CIRSR: variants seen among roughly 807,000 people sequenced by gnomAD.
The protein encoded by CIRSR is CBF1 (RBPJ) interacting corepressor 1.
chr2:174,380,309 G>T, the CIRSR span: 2 of 1,229,392 alleles, frequency 1.6e-6, no homozygotes, highest in Non-Finnish European at 2.3e-6. Flanking sequence ...AAATTAAACA[G>T]CAGTTAATCA....
chr2:174,379,814 C>T, the CIRSR span, among the ~76,000 whole-genome samples: 1 of 149,108 alleles, frequency 6.7e-6, no homozygotes, highest in African/African-American at 2.5e-5. Context: ...ACCTCCACCT[C>T]CTGGGTTCCA....
the CIRSR span, chr2:174,349,046 A>AGAGGAG: frequency 7.7e-5 from 122 of 1,592,156 alleles, no homozygotes; most frequent in Admixed American, 1.3e-3. Context: ...CAGTAGAGGA[A>AGAGGAG]GAGGAGGAGG....
the CIRSR span, chr2:174,370,124 G>A: frequency 2.4e-6 from 3 of 1,272,732 alleles, no homozygotes; most frequent in African/African-American, 1.5e-5. Context: ...TTCAACGGCG[G>A]GCATAATGGG....
the CIRSR span, among the ~76,000 whole-genome samples, chr2:174,385,867 G>A: frequency 2.0e-5 from 3 of 152,166 alleles, no homozygotes; most frequent in South Asian, 6.2e-4. Context: ...TAGAGGGAAT[G>A]ATAGAAATAG....
chr2:174,387,424 T>C, the CIRSR span: 2 of 306,376 alleles, frequency 6.5e-6, no homozygotes, highest in Non-Finnish European at 6.0e-6. Context: ...ATGATTGTTC[T>C]TCTAAGCTTT....
the CIRSR span, among the ~76,000 whole-genome samples, chr2:174,393,761 G>C: frequency 6.6e-6 from 1 of 151,482 alleles, no homozygotes; most frequent in Non-Finnish European, 1.5e-5. Context: ...TACAACCTGA[G>C]TTTGGTGACA....
chr2:174,371,397 G>A, the CIRSR span, among the ~76,000 whole-genome samples: 1 of 152,208 alleles, frequency 6.6e-6, no homozygotes, highest in Non-Finnish European at 1.5e-5. Flanking sequence ...GATGTTAAGA[G>A]TCAATGATAA....
the CIRSR span, among the ~76,000 whole-genome samples, chr2:174,354,589 ATC>A: frequency 6.2e-5 from 1 of 16,060 alleles, no homozygotes; most frequent in African/African-American, 1.1e-4. Flanking sequence ...TATTATATAT[ATC>A]ATATAATATA....
At chr2:174,369,491 C>T in the CIRSR span, among the ~76,000 whole-genome samples, 1 of 152,190 alleles carries the variant, frequency 6.6e-6, no homozygotes, top group Non-Finnish European at 1.5e-5. Flanking sequence ...AAGAACTTTC[C>T]CTTTGCATTC....
At chr2:174,377,938 G>A in the CIRSR span, among the ~76,000 whole-genome samples, 1 of 152,068 alleles carries the variant, frequency 6.6e-6, no homozygotes, top group Admixed American at 6.6e-5. Flanking sequence ...AAAGAAGCAG[G>A]ATCTCTAGCT....
chr2:174,390,731 G>A, the CIRSR span, among the ~76,000 whole-genome samples: 1,667 of 152,214 alleles, frequency 0.011, 35 homozygotes, highest in African/African-American at 0.038. Context: ...TGAATAAAAG[G>A]GGCTGTTACC....
At chr2:174,352,368 A>T in the CIRSR span, among the ~76,000 whole-genome samples, 1 of 152,104 alleles carries the variant, frequency 6.6e-6, no homozygotes, top group Non-Finnish European at 1.5e-5. Flanking sequence ...TATGTTTTAT[A>T]TTTTTTTACA....
the CIRSR span, chr2:174,380,229 G>A: frequency 6.3e-7 from 1 of 1,598,328 alleles, no homozygotes; most frequent in Non-Finnish European, 8.5e-7. Flanking sequence ...GATCTCTGAT[G>A]TTCATGTCAT....
chr2:174,390,659 C>A, the CIRSR span, among the ~76,000 whole-genome samples: 1 of 151,518 alleles, frequency 6.6e-6, no homozygotes, highest in South Asian at 2.1e-4. Context: ...CACCCAATCT[C>A]ATCTTGAATT....
At chr2:174,354,446 T>TATAA in the CIRSR span, among the ~76,000 whole-genome samples, 5 of 15,160 alleles carry the variant, frequency 3.3e-4, no homozygotes, top group Non-Finnish European at 9.8e-4. Flanking sequence ...ATATAATATA[T>TATAA]TATATAATAT....
the CIRSR span, among the ~76,000 whole-genome samples, chr2:174,350,426 A>G: frequency 4.6e-4 from 70 of 152,234 alleles, no homozygotes; most frequent in Admixed American, 9.2e-4. Context: ...TTCTAAATTA[A>G]ACATTCTGAA....
the CIRSR span, among the ~76,000 whole-genome samples, chr2:174,354,266 C>T: frequency 1.6e-3 from 238 of 148,736 alleles, no homozygotes; most frequent in African/African-American, 5.5e-3. Context: ...GTGAAGTGCT[C>T]GACAAATAGT....
the CIRSR span, chr2:174,348,727 C>T: frequency 1.2e-6 from 2 of 1,614,224 alleles, no homozygotes; most frequent in Non-Finnish European, 1.7e-6. Flanking sequence ...CTGCTCCCCT[C>T]CTTTCTTTCA....
At chr2:174,351,125 G>A in the CIRSR span, among the ~76,000 whole-genome samples, 1 of 152,038 alleles carries the variant, frequency 6.6e-6, no homozygotes, top group African/African-American at 2.4e-5. Context: ...GAGTTTTACA[G>A]GAATGTCAAA....
Sources: gnomAD v4.1 joint callset for allele counts (sites outside exome capture counted in the v4.1 genomes callset) on GRCh38, gnomAD v4.1.1 for gene constraint, MANE v1.5 for transcripts, NCBI Gene and HGNC (gene_info 2026-07-23, HGNC 2026-07-21) for gene names.